Variants in PTPRD observed in about 807,000 individuals in gnomAD.
PTPRD encodes the protein receptor-type tyrosine-protein phosphatase delta.
In PTPRD, 34 loss-of-function variants were observed where a neutral mutation model predicts 214.5. The ratio of observed to expected loss-of-function variants is 0.16; its 90% confidence interval spans 0.12 to 0.21. PTPRD has a LOEUF of 0.21. Among genes scored for constraint, PTPRD ranks in the 10% least tolerant of loss-of-function variants. The pLI is 1.00. For synonymous variants in PTPRD, 1,128 were observed against 845.7 expected (o/e 1.33, Z -5.79); for missense variants, 2,545 against 2,398.7 (o/e 1.06, Z -1.27).
chr9:10,380,509 AC>A (rs1399358493), intron 2 of PTPRD, among the ~76,000 whole-genome samples: 1 of 152,070 alleles, frequency 6.6e-6, no homozygotes, highest in Non-Finnish European at 1.5e-5. Context: ...ATATCATAGT[AC>A]CCTTCACTAA....
At chr9:9,138,559 AT>A (rs61538481) in intron 10 of PTPRD, among the ~76,000 whole-genome samples, 13,163 of 152,190 alleles carry the variant, frequency 0.086, 1,379 homozygotes, top group African/African-American at 0.25. Context: ...CTTTTAATAA[AT>A]GCCTTAACTT....
chr9:10,013,209 G>A (rs2096635953), intron 4 of PTPRD, among the ~76,000 whole-genome samples: 1 of 151,828 alleles, frequency 6.6e-6, no homozygotes, highest in African/African-American at 2.4e-5. Context: ...GTTTTTCAGT[G>A]ACTTTTACAA....
At chr9:10,448,190 G>A (rs73390307) in intron 2 of PTPRD, among the ~76,000 whole-genome samples, 3,506 of 152,064 alleles carry the variant, frequency 0.023, 162 homozygotes, top group African/African-American at 0.076. Context: ...ACTAAATAGG[G>A]TGGAAAAATT....
chr9:8,695,737 T>C (rs762219652), intron 12 of PTPRD, among the ~76,000 whole-genome samples: 7 of 152,236 alleles, frequency 4.6e-5, no homozygotes, highest in Non-Finnish European at 8.8e-5. Context: ...AACTGATCTA[T>C]GATAAATCAA....
chr9:10,458,222 T>A (rs2098932137), intron 2 of PTPRD, among the ~76,000 whole-genome samples: 1 of 152,050 alleles, frequency 6.6e-6, no homozygotes. Flanking sequence ...CCTTGAGACC[T>A]AAGACAAAGA....
chr9:9,565,321 A>T (rs1034146095), intron 8 of PTPRD, among the ~76,000 whole-genome samples: 4 of 151,940 alleles, frequency 2.6e-5, no homozygotes, highest in Non-Finnish European at 5.9e-5. Flanking sequence ...ATTAACATTT[A>T]TAGACTATGT....
intron 7 of PTPRD, among the ~76,000 whole-genome samples, chr9:9,623,160 T>C (rs980336710): frequency 2.0e-5 from 3 of 152,224 alleles, no homozygotes; most frequent in Admixed American, 6.5e-5. Flanking sequence ...ACGTAACTCA[T>C]TTCATATAAT....
chr9:10,263,314 G>A (rs2093820332), intron 3 of PTPRD, among the ~76,000 whole-genome samples: 1 of 152,110 alleles, frequency 6.6e-6, no homozygotes, highest in African/African-American at 2.4e-5. Context: ...AGGAGTATGT[G>A]GGAAAGTTTG....
chr9:10,419,109 ATGTT>A (rs1182600396), intron 2 of PTPRD, among the ~76,000 whole-genome samples: 2 of 151,988 alleles, frequency 1.3e-5, no homozygotes, highest in East Asian at 3.9e-4. Context: ...CGTAGGGTCT[ATGTT>A]TGTTTGAGGA....
intron 5 of PTPRD, among the ~76,000 whole-genome samples, chr9:9,933,147 G>C (rs2087469713): frequency 6.6e-6 from 1 of 152,208 alleles, no homozygotes; most frequent in African/African-American, 2.4e-5. Context: ...AGACCATCGA[G>C]ACTAGGAAGT....
rs75512324 is a variant in PTPRD at position 8,386,001 on chromosome 9, G to C, written c.4386+3231C>G. Among the ~76,000 whole-genome samples the C allele has an allele frequency of 5.9e-5, 9 of 152,256 alleles. No homozygotes were observed. In the East Asian group the frequency reaches 1.7e-3, roughly 29 times the overall value. ...GGGAACACAGAGTGAATTATTTGGA[G>C]GCTATCTTTTGGGGAAACTGAAGTT... On this transcript the variant is annotated intron_variant, in intron 37 of 45. Coordinates refer to ENST00000381196, the MANE Select transcript of PTPRD (RefSeq NM_002839.4).
intron 26 of PTPRD, among the ~76,000 whole-genome samples, chr9:8,493,800 T>C (rs953685487): frequency 6.6e-6 from 1 of 152,156 alleles, no homozygotes; most frequent in Admixed American, 6.6e-5. Flanking sequence ...AAATTCTTAG[T>C]TTTCTCTTAG....
chr9:9,656,498 AGCTGATCTT>A (rs2096518026), intron 7 of PTPRD, among the ~76,000 whole-genome samples: 2 of 152,204 alleles, frequency 1.3e-5, no homozygotes, highest in Non-Finnish European at 2.9e-5. Context: ...AAGAGAAAGA[AGCTGATCTT>A]AAAGGGCTAC....
intron 14 of PTPRD, among the ~76,000 whole-genome samples, chr9:8,563,916 T>C (rs1351092677): frequency 6.6e-6 from 1 of 152,232 alleles, no homozygotes; most frequent in African/African-American, 2.4e-5. Flanking sequence ...TCTGCCTGAC[T>C]TGGCCTCCCA....
intron 3 of PTPRD, among the ~76,000 whole-genome samples, chr9:10,080,329 G>A (rs1411932620): frequency 6.6e-6 from 1 of 152,080 alleles, no homozygotes; most frequent in East Asian, 1.9e-4. Flanking sequence ...ACAAAATGCT[G>A]TATCTCCTTT....
chr9:9,486,251 T>C (rs1005793526), intron 8 of PTPRD, among the ~76,000 whole-genome samples: 7 of 145,550 alleles, frequency 4.8e-5, no homozygotes, highest in Non-Finnish European at 9.0e-5. Flanking sequence ...CAGAGAACCT[T>C]GAATAAGTAG....
intron 10 of PTPRD, among the ~76,000 whole-genome samples, chr9:9,019,300 G>GAAAC (rs544962153): frequency 6.3e-5 from 4 of 63,210 alleles, no homozygotes; most frequent in Non-Finnish European, 9.8e-5. Flanking sequence ...AAGAAAGAAA[G>GAAAC]AAAGAAAGAA....
intron 10 of PTPRD, among the ~76,000 whole-genome samples, chr9:9,096,931 C>T (rs1036011989): frequency 5.3e-5 from 8 of 152,146 alleles, no homozygotes; most frequent in Non-Finnish European, 7.3e-5. Flanking sequence ...ATGCTGAAGT[C>T]ACTGCTTTTA....
At chr9:9,237,746 G>C (rs778134017) in intron 9 of PTPRD, among the ~76,000 whole-genome samples, 16 of 152,064 alleles carry the variant, frequency 1.1e-4, no homozygotes, top group Non-Finnish European at 2.2e-4. Flanking sequence ...TGCATCTCCT[G>C]TGAGAACTTC....
Sources: gnomAD v4.1 joint callset for allele counts (sites outside exome capture counted in the v4.1 genomes callset) on GRCh38, gnomAD v4.1.1 for gene constraint, MANE v1.5 for transcripts, NCBI Gene and HGNC (gene_info 2026-07-23, HGNC 2026-07-21) for gene names.